PHLDB2: variants seen among roughly 807,000 people sequenced by gnomAD.
PHLDB2 encodes pleckstrin homology like domain family B member 2.
A neutral mutation model predicts 123.6 loss-of-function variants in PHLDB2; 71 were observed. That is an observed-to-expected ratio of 0.57 (90% CI 0.47 to 0.70). The LOEUF (loss-of-function observed/expected upper bound fraction) is 0.70, where lower values mean the gene tolerates loss of function less well. Ranked by LOEUF, PHLDB2 falls within the 30% of genes least tolerant of loss-of-function variation. PHLDB2 has a pLI of 0.00. For synonymous variants in PHLDB2, 547 were observed against 541.6 expected (o/e 1.01, Z -0.14); for missense variants, 1,446 against 1,519.5 (o/e 0.95, Z 0.80).
chr3:111,904,417 G>C (rs778765858), intron 2 of PHLDB2, among the ~76,000 whole-genome samples: 3 of 151,946 alleles, frequency 2.0e-5, no homozygotes, highest in Non-Finnish European at 4.4e-5. Flanking sequence ...CCTATTTCTG[G>C]TCATTTTACT....
At chr3:111,775,290 A>G (rs996521032) in intron 1 of PHLDB2, among the ~76,000 whole-genome samples, 1 of 152,184 alleles carries the variant, frequency 6.6e-6, no homozygotes, top group South Asian at 2.1e-4. Context: ...TAGAAAACAA[A>G]CATCGAGAAC....
intron 5 of PHLDB2, among the ~76,000 whole-genome samples, chr3:111,921,604 C>CTTTTTT (rs368628355): frequency 1.5e-5 from 2 of 132,246 alleles, no homozygotes; most frequent in Non-Finnish European, 3.1e-5. Context: ...TGCCCCCAGA[C>CTTTTTT]TTTTTTTTTT....
intron 10 of PHLDB2, among the ~76,000 whole-genome samples, chr3:111,951,859 T>G (rs945223315): frequency 6.6e-6 from 1 of 152,184 alleles, no homozygotes; most frequent in African/African-American, 2.4e-5. Context: ...CACCCATCAC[T>G]TGAACAGGAA....
At chr3:111,926,520 A>C (rs937102555) in intron 5 of PHLDB2, among the ~76,000 whole-genome samples, 1 of 152,038 alleles carries the variant, frequency 6.6e-6, no homozygotes, top group Non-Finnish European at 1.5e-5. Flanking sequence ...AATCAATAGG[A>C]TTCCAGCTTG....
At chr3:111,868,626 T>C (rs1241304703) in intron 1 of PHLDB2, among the ~76,000 whole-genome samples, 1 of 151,600 alleles carries the variant, frequency 6.6e-6, no homozygotes. Context: ...TGAATTTATA[T>C]ATATATATAT....
At chr3:111,948,863 A>G in intron 9 of PHLDB2, 69 bp from the exon 10 acceptor site, 1 of 1,485,736 alleles carries the variant, frequency 6.7e-7, no homozygotes, top group Non-Finnish European at 9.3e-7. Flanking sequence ...TTGTACTGGG[A>G]ACATTAATAC....
intron 6 of PHLDB2, among the ~76,000 whole-genome samples, chr3:111,933,448 A>G (rs1033071549): frequency 1.3e-5 from 2 of 152,232 alleles, no homozygotes; most frequent in African/African-American, 4.8e-5. Flanking sequence ...AGGTGAAAAA[A>G]TAACAGTTAA....
rs4234408 is a variant in PHLDB2, at chr3:111,922,546, G to C, written c.2001+2127G>C. 2.6e-5 allele frequency among the ~76,000 whole-genome samples: 4 copies of C among 152,012 alleles called. No individual in the cohort carries two copies. The South Asian group carries it at 8.3e-4, about 32-fold the overall frequency. ...GGGAATTAGTTGGTCTTAGAAGGTA[G>C]GATTATTCTCTGTCATTACATCATG... On this transcript the variant is annotated intron_variant, in intron 5 of 17. Coordinates refer to ENST00000431670, the MANE Select transcript of PHLDB2 (RefSeq NM_001134438.2).
intron 1 of PHLDB2, among the ~76,000 whole-genome samples, chr3:111,834,997 A>G (rs2063334440): frequency 6.6e-6 from 1 of 152,078 alleles, no homozygotes; most frequent in African/African-American, 2.4e-5. Context: ...TGAGTCCCTA[A>G]TGCCTAAAAA....
chr3:111,859,683 C>T (rs2064697919), intron 1 of PHLDB2, 107 bp downstream of exon 1: 1 of 985,228 alleles, frequency 1.0e-6, no homozygotes, highest in Middle Eastern at 5.2e-4. Context: ...TTGGTTGCCG[C>T]CGGTTGCGCT....
intron 1 of PHLDB2, among the ~76,000 whole-genome samples, chr3:111,816,690 T>C (rs750161926): frequency 1.4e-4 from 22 of 152,140 alleles, no homozygotes; most frequent in Non-Finnish European, 2.9e-4. Flanking sequence ...ACTGTGAACT[T>C]TTGAGTTAAT....
intron 1 of PHLDB2, among the ~76,000 whole-genome samples, chr3:111,789,989 T>A (rs1290618965): frequency 2.0e-5 from 3 of 152,160 alleles, no homozygotes; most frequent in African/African-American, 7.2e-5. Context: ...TGGAATGGAA[T>A]TCTCATACCA....
At chr3:111,827,487 A>C (rs1012197166) in intron 1 of PHLDB2, among the ~76,000 whole-genome samples, 1 of 152,128 alleles carries the variant, frequency 6.6e-6, no homozygotes, top group Non-Finnish European at 1.5e-5. Flanking sequence ...CATCCTAGCT[A>C]ACACGGTGAA....
intron 1 of PHLDB2, among the ~76,000 whole-genome samples, chr3:111,751,255 G>A (rs774485593): frequency 4.6e-5 from 7 of 151,814 alleles, no homozygotes; most frequent in Non-Finnish European, 7.4e-5. Context: ...GAAGATTTGC[G>A]CAGGAGCCAG....
intron 1 of PHLDB2, among the ~76,000 whole-genome samples, chr3:111,761,970 A>G (rs1028415244): frequency 2.0e-5 from 3 of 152,198 alleles, no homozygotes; most frequent in African/African-American, 7.2e-5. Flanking sequence ...AGGTGCTTGT[A>G]TGTTCACCTA....
chr3:111,766,743 G>A (rs1386418341), intron 1 of PHLDB2, among the ~76,000 whole-genome samples: 1 of 151,930 alleles, frequency 6.6e-6, no homozygotes, highest in Admixed American at 6.6e-5. Context: ...TCAAGAGTTA[G>A]CAATCCAGGT....
intron 1 of PHLDB2, among the ~76,000 whole-genome samples, chr3:111,827,298 C>T (rs144795753): frequency 6.0e-4 from 92 of 152,314 alleles, no homozygotes; most frequent in African/African-American, 2.2e-3. Context: ...CCTTTCAGAA[C>T]TGAGCTCCTA....
chr3:111,914,275 A>G (rs890874630), intron 3 of PHLDB2: 9 of 152,124 alleles, frequency 5.9e-5, no homozygotes, highest in African/African-American at 2.2e-4. Context: ...TATTTGCACA[A>G]TTCTGCAAAT....
At chr3:111,925,316 T>C (rs1049437197) in intron 5 of PHLDB2, among the ~76,000 whole-genome samples, 6 of 152,202 alleles carry the variant, frequency 3.9e-5, no homozygotes, top group African/African-American at 1.4e-4. Context: ...TGTTCTACTG[T>C]GTATTTATTG....
Sources: gnomAD v4.1 joint callset for allele counts (sites outside exome capture counted in the v4.1 genomes callset) on GRCh38, gnomAD v4.1.1 for gene constraint, MANE v1.5 for transcripts, NCBI Gene and HGNC (gene_info 2026-07-23, HGNC 2026-07-21) for gene names.